CSMD1: variants seen among roughly 807,000 people sequenced by gnomAD.
CSMD1 encodes the protein CUB and Sushi multiple domains 1.
CSMD1 carries 213 observed loss-of-function variants against 417.5 expected under a neutral mutation model. The observed-to-expected ratio is 0.51, with a 90% confidence interval of 0.46 to 0.57. The LOEUF is 0.57. CSMD1 is among the 20% of genes least tolerant of loss of function. CSMD1 has a pLI of 0.00. For synonymous variants in CSMD1, 2,862 were observed against 1,736.8 expected (o/e 1.65, Z -16.11); for missense variants, 6,923 against 4,529.7 (o/e 1.53, Z -15.17).
chr8:3,193,897 T>G (rs1249337585), intron 33 of CSMD1, among the ~76,000 whole-genome samples: 1 of 152,196 alleles, frequency 6.6e-6, no homozygotes, highest in Non-Finnish European at 1.5e-5. Flanking sequence ...TACATGCTGC[T>G]CCTTTACTGC....
At chr8:4,089,272 T>G (rs1225730056) in intron 3 of CSMD1, among the ~76,000 whole-genome samples, 1 of 152,124 alleles carries the variant, frequency 6.6e-6, no homozygotes, top group East Asian at 1.9e-4. Context: ...TCTCCAGGAA[T>G]TAGTGGGGTG....
At chr8:4,415,422 G>A (rs1796880263) in intron 3 of CSMD1, among the ~76,000 whole-genome samples, 1 of 151,984 alleles carries the variant, frequency 6.6e-6, no homozygotes, top group Non-Finnish European at 1.5e-5. Flanking sequence ...TAGGCATTTA[G>A]CGCACGTGCT....
Position 4,162,302 on chromosome 8 carries a change from A to C in CSMD1, c.416-130203T>G, listed in dbSNP as rs142563004. Among the ~76,000 whole-genome samples, 1,507 of 152,342 alleles carry C rather than the reference A, an allele frequency of 9.9e-3. 21 individuals are homozygous for C. The highest frequency in any genetic ancestry group is 0.034 in the African/African-American group (1,416 of 41,578). Reference sequence around the variant, plus strand: ...TAATAAAGTTTGCTAAAGAAAACTCAGCAAAGTTTAATGGATTTATGTTAC... The same window carrying C: ...TAATAAAGTTTGCTAAAGAAAACTCCGCAAAGTTTAATGGATTTATGTTAC... On this transcript the variant is annotated intron_variant, in intron 3 of 69. Coordinates refer to ENST00000635120, the MANE Select transcript of CSMD1 (RefSeq NM_033225.6).
chr8:3,991,841 A>T (rs1022374264), intron 5 of CSMD1, among the ~76,000 whole-genome samples: 4 of 152,182 alleles, frequency 2.6e-5, no homozygotes, highest in Non-Finnish European at 5.9e-5. Flanking sequence ...GGATGGTTGA[A>T]TATTTAACTA....
At chr8:4,609,814 T>C (rs1337833411) in intron 2 of CSMD1, among the ~76,000 whole-genome samples, 2 of 152,110 alleles carry the variant, frequency 1.3e-5, no homozygotes, top group African/African-American at 2.4e-5. Flanking sequence ...GAATATACGA[T>C]AAAACCAAGC....
intron 5 of CSMD1, among the ~76,000 whole-genome samples, chr8:3,843,335 G>C (rs1803256478): frequency 6.6e-6 from 1 of 152,186 alleles, no homozygotes; most frequent in African/African-American, 2.4e-5. Flanking sequence ...GAAATCGTTT[G>C]AAGACTTTAT....
chr8:4,235,061 C>T (rs1345270238), intron 3 of CSMD1, among the ~76,000 whole-genome samples: 2 of 152,130 alleles, frequency 1.3e-5, no homozygotes, highest in East Asian at 1.9e-4. Context: ...GGGACGCATT[C>T]CATCCATAGG....
intron 12 of CSMD1, among the ~76,000 whole-genome samples, chr8:3,426,896 A>T (rs1434803615): frequency 1.3e-5 from 2 of 152,300 alleles, no homozygotes; most frequent in African/African-American, 4.8e-5. Context: ...AAGAGGTTTA[A>T]TTGACTCACA....
chr8:4,021,880 G>C (rs1796805834), intron 4 of CSMD1, among the ~76,000 whole-genome samples: 1 of 151,998 alleles, frequency 6.6e-6, no homozygotes, highest in Middle Eastern at 3.4e-3. Flanking sequence ...CCCCTCTCTA[G>C]CTTGTAAGGA....
At chr8:4,383,784 G>C (rs962226432) in intron 3 of CSMD1, among the ~76,000 whole-genome samples, 2 of 152,044 alleles carry the variant, frequency 1.3e-5, no homozygotes, top group Non-Finnish European at 2.9e-5. Flanking sequence ...ATTTTTTCAA[G>C]TGTCAAATGC....
chr8:4,614,969 C>T (rs999093723), intron 2 of CSMD1, among the ~76,000 whole-genome samples: 4 of 152,194 alleles, frequency 2.6e-5, no homozygotes, highest in Non-Finnish European at 4.4e-5. Flanking sequence ...GAAAAACAGT[C>T]GTATTTGTAG....
At chr8:2,975,250 G>A (rs1254918552) in intron 55 of CSMD1, among the ~76,000 whole-genome samples, 1 of 151,758 alleles carries the variant, frequency 6.6e-6, no homozygotes, top group Non-Finnish European at 1.5e-5. Flanking sequence ...ACCAAATCAG[G>A]CCTAAACTCT....
intron 3 of CSMD1, among the ~76,000 whole-genome samples, chr8:4,135,946 C>T (rs1405833433): frequency 6.6e-6 from 1 of 152,074 alleles, no homozygotes; most frequent in Non-Finnish European, 1.5e-5. Context: ...GCTTTCTAAA[C>T]TATTGGTGTT....
intron 2 of CSMD1, among the ~76,000 whole-genome samples, chr8:4,532,542 C>T (rs1796882301): frequency 6.8e-6 from 1 of 147,614 alleles, no homozygotes; most frequent in African/African-American, 2.6e-5. Context: ...CCTGCACCGC[C>T]ATTCAGAGTC....
chr8:4,751,928 T>A (rs1035855878), intron 1 of CSMD1, among the ~76,000 whole-genome samples: 2 of 152,176 alleles, frequency 1.3e-5, no homozygotes, highest in Admixed American at 6.5e-5. Context: ...GTCAGGAAGA[T>A]CCATGTAATC....
intron 5 of CSMD1, among the ~76,000 whole-genome samples, chr8:3,877,825 T>C (rs1029083408): frequency 1.3e-5 from 2 of 152,220 alleles, no homozygotes; most frequent in African/African-American, 2.4e-5. Context: ...TGTATATTTA[T>C]AGAACTGACT....
At chr8:3,722,299 C>G (rs952574379) in intron 6 of CSMD1, among the ~76,000 whole-genome samples, 2 of 152,076 alleles carry the variant, frequency 1.3e-5, no homozygotes, top group Non-Finnish European at 2.9e-5. Flanking sequence ...CAGAGTGAGA[C>G]TCCATCTCAA....
At chr8:3,266,604 C>CAAA (rs60439183) in intron 26 of CSMD1, among the ~76,000 whole-genome samples, 1,502 of 25,494 alleles carry the variant, frequency 0.059, 172 homozygotes, top group Non-Finnish European at 0.066. Context: ...GACTCCCTCT[C>CAAA]AAAAAAAAAA....
At chr8:4,627,357 C>G (rs1802179584) in intron 2 of CSMD1, among the ~76,000 whole-genome samples, 1 of 152,094 alleles carries the variant, frequency 6.6e-6, no homozygotes. Flanking sequence ...ATCTGGGAAA[C>G]TATTTATAGC....
Sources: allele counts gnomAD v4.1 joint callset (sites outside exome capture counted in the v4.1 genomes callset), GRCh38; gene constraint gnomAD v4.1.1; transcripts MANE v1.5; gene names NCBI Gene and HGNC (gene_info 2026-07-23, HGNC 2026-07-21).